ANKS1B: variants seen among roughly 807,000 people sequenced by gnomAD.
ANKS1B encodes ankyrin repeat and sterile alpha motif domain-containing protein 1B.
A neutral mutation model predicts 148.3 loss-of-function variants in ANKS1B; 36 were observed. The ratio of observed to expected loss-of-function variants is 0.24; its 90% CI spans 0.19 to 0.32. The LOEUF is 0.32. ANKS1B is among the 10% of genes least tolerant of loss of function. The probability of loss-of-function intolerance (pLI) is 1.00; values close to 1 mark genes in which losing one functional copy is unlikely to be tolerated. For synonymous variants in ANKS1B, 542 were observed against 560.8 expected (o/e 0.97, Z 0.47); for missense variants, 1,157 against 1,542.6 (o/e 0.75, Z 4.19).
chr12:98,810,911 G>A (rs765558820), intron 19 of ANKS1B, among the ~76,000 whole-genome samples: 5 of 152,228 alleles, frequency 3.3e-5, no homozygotes, highest in African/African-American at 1.2e-4. Context: ...AGAGAAGCTC[G>A]GTCTGCGCTT....
intron 17 of ANKS1B, among the ~76,000 whole-genome samples, chr12:98,870,408 C>G (rs1027449144): frequency 6.6e-6 from 1 of 152,214 alleles, no homozygotes; most frequent in African/African-American, 2.4e-5. Context: ...GCCAGATAGG[C>G]AGAAATCAAA....
chr12:99,308,180 A>G (rs1462357565), intron 12 of ANKS1B, among the ~76,000 whole-genome samples: 1 of 152,114 alleles, frequency 6.6e-6, no homozygotes, highest in Non-Finnish European at 1.5e-5. Context: ...ATAGAGAACA[A>G]GAATCAGAGC....
rs569490813 is a variant in ANKS1B, at chr12:99,336,625, T to C, written c.1756+63006A>G. 4.6e-5 allele frequency among the ~76,000 whole-genome samples: 7 copies of C among 152,276 alleles called. No individual in the cohort carries two copies. In the South Asian group the frequency reaches 1.4e-3, roughly 32 times the overall value. ...CCACCATCATTTATTGAAGAGGCTG[T>C]GTTTTCCCAAATCTACGTTCTTAGC... On this transcript the variant is annotated intron_variant, in intron 12 of 26. Transcript: ENST00000683438.
chr12:99,534,001 T>A (rs188625605), intron 9 of ANKS1B, among the ~76,000 whole-genome samples: 199 of 152,308 alleles, frequency 1.3e-3, no homozygotes, highest in African/African-American at 4.0e-3. Context: ...ACAGAAACAT[T>A]AATTATTTTT....
chr12:99,768,828 A>G (rs2062916276), intron 8 of ANKS1B, among the ~76,000 whole-genome samples: 1 of 147,756 alleles, frequency 6.8e-6, no homozygotes, highest in Non-Finnish European at 1.5e-5. Context: ...CGTCTCAGAA[A>G]AAAAAAAAAA....
chr12:99,841,098 G>A lies in ANKS1B; in HGVS notation c.135-15709C>T, dbSNP rs534002873. 5.3e-5 allele frequency among the ~76,000 whole-genome samples: 8 copies of A among 152,170 alleles called. No individual in the cohort carries two copies. The South Asian group carries it at 6.2e-4, about 12-fold the overall frequency. On this transcript the variant is annotated intron_variant, in intron 1 of 26. Transcript: ENST00000683438. ...CTTGGGAAAATTACCTAACTACTCC[G>A]TGCCTCAGTTCTCTCATCTATAAAA...
intron 9 of ANKS1B, chr12:99,648,442 C>G (rs181913768): frequency 5.6e-6 from 9 of 1,614,034 alleles, no homozygotes; most frequent in Non-Finnish European, 7.6e-6. Flanking sequence ...GCTGCTGGCC[C>G]GACCAGCTGC....
rs61933569 is a variant in ANKS1B, at chr12:98,770,456, C to G, written c.3579+2586G>C. 9.2e-3 allele frequency among the ~76,000 whole-genome samples: 1,404 copies of G among 152,288 alleles called. 8 individuals carry two copies. Among genetic ancestry groups the G allele is most frequent in the South Asian group, 0.016 (76 of 4,822 alleles). Reference sequence around the variant, plus strand: ...ACCTAACACTGCACATCCTTGTAAACCCTGAATGAAATGGCTTTAATCAAC... The same window carrying G: ...ACCTAACACTGCACATCCTTGTAAAGCCTGAATGAAATGGCTTTAATCAAC... On this transcript the variant is annotated intron_variant, in intron 25 of 26. Transcript: ENST00000683438.
At chr12:99,549,231 C>G (rs2097197235) in intron 9 of ANKS1B, among the ~76,000 whole-genome samples, 2 of 152,156 alleles carry the variant, frequency 1.3e-5, no homozygotes, top group Admixed American at 1.3e-4. Flanking sequence ...ATATTGATTA[C>G]TGTAAATAAC....
intron 9 of ANKS1B, among the ~76,000 whole-genome samples, chr12:99,626,011 T>C (rs545344342): frequency 6.6e-6 from 1 of 152,224 alleles, no homozygotes; most frequent in African/African-American, 2.4e-5. Context: ...TGGCTGAAAC[T>C]AGGGCATCTG....
At position 99,374,463 on chromosome 12, in the gene ANKS1B, C is replaced by A. The variant is rs576041851; in HGVS notation, c.1756+25168G>T. Among the ~76,000 whole-genome samples the A allele has an allele frequency of 9.2e-5, 14 of 152,270 alleles. No homozygotes were observed. The South Asian group carries it at 2.1e-3, about 23-fold the overall frequency. On this transcript the variant is annotated intron_variant, in intron 12 of 26. Coordinates refer to ENST00000683438, the MANE Select transcript of ANKS1B (RefSeq NM_001352186.2). ...ATGAGTGTACCCCGTGAAGGGACAG[C>A]ATCCTGTCCAGGGTGCATTCCCATC... is the stretch of plus-strand genomic sequence containing the variant.
At chr12:99,318,372 C>A (rs975255108) in intron 12 of ANKS1B, among the ~76,000 whole-genome samples, 5 of 151,946 alleles carry the variant, frequency 3.3e-5, no homozygotes, top group Middle Eastern at 3.4e-3. Context: ...AGGGATTCAA[C>A]TTCTTCCTGG....
At chr12:99,605,841 A>T (rs540025861) in intron 9 of ANKS1B, among the ~76,000 whole-genome samples, 1 of 152,188 alleles carries the variant, frequency 6.6e-6, no homozygotes, top group East Asian at 1.9e-4. Context: ...TTTAATCTGA[A>T]TATATACCCT....
At chr12:99,728,409 T>C (rs192038250) in intron 8 of ANKS1B, among the ~76,000 whole-genome samples, 2 of 152,130 alleles carry the variant, frequency 1.3e-5, no homozygotes, top group East Asian at 3.9e-4. Flanking sequence ...GAAATGCAAA[T>C]CGAAACTACA....
intron 1 of ANKS1B, among the ~76,000 whole-genome samples, chr12:99,956,144 G>C (rs566568021): frequency 3.3e-5 from 5 of 151,946 alleles, no homozygotes; most frequent in African/African-American, 4.8e-5. Context: ...CAGGTGTGGT[G>C]GTGGGCGCCT....
At chr12:99,391,014 C>T (rs1947117907) in intron 12 of ANKS1B, among the ~76,000 whole-genome samples, 1 of 152,202 alleles carries the variant, frequency 6.6e-6, no homozygotes, top group South Asian at 2.1e-4. Context: ...ACCTGCAGGC[C>T]ACAGGTATAC....
At chr12:99,577,880 G>A (rs1006449689) in intron 9 of ANKS1B, among the ~76,000 whole-genome samples, 2 of 152,006 alleles carry the variant, frequency 1.3e-5, no homozygotes, top group African/African-American at 4.8e-5. Flanking sequence ...CATCCTATAA[G>A]GCCAGCACCA....
chr12:99,374,093 A>G (rs1274550650), intron 12 of ANKS1B, among the ~76,000 whole-genome samples: 1 of 152,228 alleles, frequency 6.6e-6, no homozygotes, highest in African/African-American at 2.4e-5. Context: ...GTTTTAATCC[A>G]AAGAATGTGC....
intron 12 of ANKS1B, among the ~76,000 whole-genome samples, chr12:99,286,701 T>C (rs1241280018): frequency 1.3e-5 from 2 of 152,170 alleles, no homozygotes. Context: ...GATCCAGGCC[T>C]GGCAGCATTC....
Sources: gnomAD v4.1 joint callset for allele counts (sites outside exome capture counted in the v4.1 genomes callset) on GRCh38, gnomAD v4.1.1 for gene constraint, MANE v1.5 for transcripts, NCBI Gene and HGNC (gene_info 2026-07-23, HGNC 2026-07-21) for gene names.